The following ST6GAL2 variants were observed in gnomAD, a reference collection of about 807,000 sequenced individuals.
ST6GAL2 encodes the protein ST6 beta-galactoside alpha-2,6-sialyltransferase 2.
ST6GAL2 carries 24 observed loss-of-function variants against 37.5 expected under a neutral mutation model. The ratio of observed to expected loss-of-function variants is 0.64; its 90% CI spans 0.46 to 0.90. The LOEUF (loss-of-function observed/expected upper bound fraction) is 0.90. Ranked by LOEUF, ST6GAL2 falls within the 40% of genes least tolerant of loss-of-function variation. The pLI is 0.00. For missense variants in ST6GAL2, 715 were observed against 712.7 expected, an observed-to-expected ratio of 1.00 and a Z score of -0.04; for synonymous variants, 306 against 295.1, an observed-to-expected ratio of 1.04 and a Z score of -0.38.
In ST6GAL2 at chr2:106,806,645, C is replaced by T; in HGVS notation, c.*33G>A. The T allele has an allele frequency of 1.2e-6, 2 of 1,601,972 alleles. No homozygotes were observed. The highest frequency in any genetic ancestry group is 1.1e-5 in the South Asian group (1 of 89,112). The stretch of plus-strand genomic sequence containing the variant: ...TGTGACTTTGAGTACAACAGTAGTA[C>T]CTTATTGCACATTGATTCCCAAGAA... On this transcript the variant is annotated 3_prime_UTR_variant, in exon 6 of 6. Transcript: ENST00000409382.
intron 1 of ST6GAL2, among the ~76,000 whole-genome samples, chr2:106,874,122 G>A (rs1678396529): frequency 6.6e-6 from 1 of 152,182 alleles, no homozygotes; most frequent in Non-Finnish European, 1.5e-5. Flanking sequence ...AGTTCTGGAG[G>A]CTGCCTGCAA....
chr2:106,873,873 G>A (rs1159165697), intron 1 of ST6GAL2, among the ~76,000 whole-genome samples: 1 of 152,228 alleles, frequency 6.6e-6, no homozygotes, highest in Non-Finnish European at 1.5e-5. Flanking sequence ...CTTGTCCTTA[G>A]AGAATGTTCT....
chr2:106,858,155 A>T (rs984137747), intron 1 of ST6GAL2, among the ~76,000 whole-genome samples: 7 of 152,190 alleles, frequency 4.6e-5, no homozygotes, highest in Non-Finnish European at 8.8e-5. Context: ...CATGCACTAC[A>T]CATTCACCTA....
At chr2:106,840,354 G>C (rs887980620) in intron 2 of ST6GAL2, among the ~76,000 whole-genome samples, 2 of 152,210 alleles carry the variant, frequency 1.3e-5, no homozygotes, top group African/African-American at 2.4e-5. Flanking sequence ...TCATAACTAT[G>C]TGGGTTTGCT....
rs554658029 is a variant in ST6GAL2, at chr2:106,842,943, G to A, written c.943+92C>T. 11 of 982,588 alleles carry A rather than the reference G, an allele frequency of 1.1e-5. No homozygotes were observed. In the African/African-American group the frequency reaches 1.7e-4, roughly 15 times the overall value. The allele number at this position is 982,588 out of a possible 1,614,324, so 60.9% of individuals were successfully genotyped here. A position where few individuals can be genotyped will look rare whatever the true frequency, so the allele number is the denominator to read the frequency against. The stretch of plus-strand genomic sequence containing the variant: ...TGGTGCGGAGACCCCAGCTTGCCCC[G>A]TCAGAGATCCAGAGGCGCGCTCAGA... On this transcript the variant is annotated intron_variant, in intron 2 of 5. Transcript: ENST00000409382.
intron 1 of ST6GAL2, among the ~76,000 whole-genome samples, chr2:106,880,929 T>C (rs1467152016): frequency 6.6e-6 from 1 of 152,218 alleles, no homozygotes; most frequent in East Asian, 1.9e-4. Flanking sequence ...TGTGTGTATG[T>C]GTGCACATGT....
intron 5 of ST6GAL2, among the ~76,000 whole-genome samples, chr2:106,820,858 T>C (rs532359784): frequency 4.6e-5 from 7 of 151,988 alleles, no homozygotes; most frequent in Non-Finnish European, 1.0e-4. Context: ...TTGGAAACTA[T>C]ATAAACACAT....
chr2:106,810,948 C>T (rs1315586013), intron 5 of ST6GAL2, among the ~76,000 whole-genome samples: 1 of 118,466 alleles, frequency 8.4e-6, no homozygotes, highest in Non-Finnish European at 1.8e-5. Flanking sequence ...AGAGTGGCAT[C>T]CTGTCAAAAT....
intron 5 of ST6GAL2, among the ~76,000 whole-genome samples, chr2:106,826,024 C>A (rs1050254276): frequency 6.6e-6 from 1 of 152,176 alleles, no homozygotes; most frequent in Non-Finnish European, 1.5e-5. Flanking sequence ...TGGATAATCT[C>A]CATACAAAGA....
chr2:106,862,194 G>A (rs1264382113), intron 1 of ST6GAL2, among the ~76,000 whole-genome samples: 1 of 152,144 alleles, frequency 6.6e-6, no homozygotes, highest in African/African-American at 2.4e-5. Flanking sequence ...CACCAGAGTC[G>A]TGAAGCAGTA....
In ST6GAL2 at chr2:106,802,870, A is replaced by G. The variant is rs1382858675; in HGVS notation, c.*3808T>C. ...ACCACAGCTAAGCAGAAATTCAACC[A>G]AGTAACTGACCACATGTACTGTGTG... On this transcript the variant is annotated 3_prime_UTR_variant, in exon 6 of 6. Transcript: ENST00000409382. 6.6e-6 allele frequency: 1 copy of G among 152,182 alleles called. No homozygotes were observed. Among genetic ancestry groups the G allele is most frequent in the Non-Finnish European group, 1.5e-5 (1 of 68,048 alleles). The allele number at this position is 152,182 out of a possible 1,614,324, so 9.4% of individuals were successfully genotyped here. A position where few individuals can be genotyped will look rare whatever the true frequency, so the allele number is the denominator to read the frequency against.
At chr2:106,849,869 C>T (rs925709207) in intron 1 of ST6GAL2, among the ~76,000 whole-genome samples, 24 of 152,162 alleles carry the variant, frequency 1.6e-4, no homozygotes, top group African/African-American at 5.3e-4. Flanking sequence ...CTTATAAACC[C>T]GCATTTCAAA....
chr2:106,865,512 C>G (rs973234758), intron 1 of ST6GAL2, among the ~76,000 whole-genome samples: 2 of 152,212 alleles, frequency 1.3e-5, no homozygotes, highest in African/African-American at 4.8e-5. Flanking sequence ...GTGCTTAACA[C>G]ATGAAAACAC....
rs1314293149 is a variant in ST6GAL2 at position 106,803,910 on chromosome 2, T to C, written c.*2768A>G. On this transcript the variant is annotated 3_prime_UTR_variant, in exon 6 of 6. Transcript: ENST00000409382. ...ATGTGGCATGTAAGGATTTAGTCAA[T>C]GTCTGGCAAAATGCTGCCACTTAGG... 6.6e-6 allele frequency: 1 copy of C among 152,202 alleles called. No individual in the cohort carries two copies. The highest frequency in any genetic ancestry group is 2.4e-5 in the African/African-American group (1 of 41,458). 9.4% of individuals were successfully genotyped at this position (152,202 alleles called of 1,614,324 possible).
intron 1 of ST6GAL2, among the ~76,000 whole-genome samples, chr2:106,881,937 G>A (rs1332215402): frequency 1.3e-5 from 2 of 152,110 alleles, no homozygotes; most frequent in Admixed American, 6.5e-5. Flanking sequence ...TACCAACCCA[G>A]TAACTCAAAG....
At chr2:106,814,370 G>A (rs1675720910) in intron 5 of ST6GAL2, among the ~76,000 whole-genome samples, 1 of 151,962 alleles carries the variant, frequency 6.6e-6, no homozygotes, top group Non-Finnish European at 1.5e-5. Context: ...AAAGAAAGAA[G>A]TTATGATGTG....
At chr2:106,810,004 A>G (rs1344210410) in intron 5 of ST6GAL2, among the ~76,000 whole-genome samples, 1 of 152,190 alleles carries the variant, frequency 6.6e-6, no homozygotes, top group African/African-American at 2.4e-5. Flanking sequence ...GTTCTCTCAT[A>G]GGTAGCAAGA....
intron 5 of ST6GAL2, among the ~76,000 whole-genome samples, chr2:106,825,888 A>C (rs1676182196): frequency 6.6e-6 from 1 of 152,146 alleles, no homozygotes; most frequent in Non-Finnish European, 1.5e-5. Flanking sequence ...AGTGACCCTT[A>C]CCTTCCTTTT....
At chr2:106,875,077 C>G (rs1042312240) in intron 1 of ST6GAL2, among the ~76,000 whole-genome samples, 8 of 152,058 alleles carry the variant, frequency 5.3e-5, no homozygotes, top group African/African-American at 1.9e-4. Flanking sequence ...ATTAGGCAGT[C>G]TGCCTGTTCT....
Sources: allele counts gnomAD v4.1 joint callset (sites outside exome capture counted in the v4.1 genomes callset), GRCh38; gene constraint gnomAD v4.1.1; transcripts MANE v1.5; gene names NCBI Gene and HGNC (gene_info 2026-07-23, HGNC 2026-07-21).